MIER3: variants seen among roughly 807,000 people sequenced by gnomAD.
MIER3 encodes the protein mesoderm induction early response protein 3.
A neutral mutation model predicts 63.2 loss-of-function variants in MIER3; 9 were observed. That is an observed-to-expected ratio of 0.14 (90% CI 0.09 to 0.25). The LOEUF (loss-of-function observed/expected upper bound fraction) is 0.25, where lower values mean the gene tolerates loss of function less well. Ranked by LOEUF, MIER3 falls within the 10% of genes least tolerant of loss-of-function variation. The probability of loss-of-function intolerance (pLI) is 1.00; values close to 1 mark genes in which losing one functional copy is unlikely to be tolerated. For synonymous variants in MIER3, 205 were observed against 224.9 expected (o/e 0.91, Z 0.79); for missense variants, 512 against 666.2 (o/e 0.77, Z 2.55).
rs573772112 is a variant in MIER3, at chr5:56,934,728, AAAG to A, written c.595+697_595+699del. Among the ~76,000 whole-genome samples, 37 of 152,294 alleles carry A rather than the reference AAAG, an allele frequency of 2.4e-4. 1 individual carries two copies. In the South Asian group the frequency reaches 7.3e-3, roughly 30 times the overall value. On this transcript the variant is annotated intron_variant, in intron 7 of 12. Transcript: ENST00000381199. ...ATGACCTGGCATGGAGGAAAGGAAAAAAGAAGGACTCAGGAAGTATTGTGTTGG... is the reference window on the plus strand; with the variant it reads ...ATGACCTGGCATGGAGGAAAGGAAAAAAGGACTCAGGAAGTATTGTGTTGG...
chr5:56,936,871 T>A (rs1218273714), intron 5 of MIER3: 1 of 152,056 alleles, frequency 6.6e-6, no homozygotes, highest in African/African-American at 2.4e-5. Context: ...AGGAAAAAGA[T>A]GAATCATTAA....
chr5:56,925,785 C>T (rs1749943824), intron 10 of MIER3, among the ~76,000 whole-genome samples: 2 of 151,632 alleles, frequency 1.3e-5, no homozygotes, highest in South Asian at 4.2e-4. Context: ...CCCAGAATAG[C>T]CAACATAGTA....
Position 56,921,094 on chromosome 5 carries a change from GAATAT to G in MIER3, c.*2029_*2033del. On this transcript the variant is annotated 3_prime_UTR_variant, in exon 13 of 13. Transcript: ENST00000381199. The stretch of plus-strand genomic sequence containing the variant: ...GACCCCAGCAATGCATAGATAAACT[GAATAT>G]ATTACTGCATCAGCTACTGAGAATG... 6.6e-6 allele frequency: 1 copy of G among 152,514 alleles called. No individual in the cohort carries two copies. The highest frequency in any genetic ancestry group is 6.5e-5 in the Admixed American group (1 of 15,280). The allele number at this position is 152,514 out of a possible 1,614,324, so 9.4% of individuals were successfully genotyped here. A position where few individuals can be genotyped will look rare whatever the true frequency, so the allele number is the denominator to read the frequency against.
At position 56,935,412 on chromosome 5, in the gene MIER3, C is replaced by T; in HGVS notation, c.595+16G>A. 66 of 1,561,292 alleles carry T rather than the reference C, an allele frequency of 4.2e-5. No individual in the cohort carries two copies. The highest frequency in any genetic ancestry group is 5.6e-5 in the Non-Finnish European group (65 of 1,157,762). ...CTTATCTACCAAACATTATCAAAAT[C>T]AAAAGCTTTCCTTACCTTTCTCATT... On this transcript the variant is annotated intron_variant, in intron 7 of 12. Coordinates refer to ENST00000381199, the MANE Select transcript of MIER3 (RefSeq NM_001297599.2).
chr5:56,937,521 G>A (rs1750489189), intron 5 of MIER3, 57 bp downstream of exon 5: 1 of 1,474,774 alleles, frequency 6.8e-7, no homozygotes, highest in East Asian at 2.5e-5. Flanking sequence ...ACAATAAAAT[G>A]TACTAAAGCT....
chr5:56,935,875 G>A (rs1244303073), intron 5 of MIER3, 124 bp from the exon 6 acceptor site: 2 of 685,160 alleles, frequency 2.9e-6, no homozygotes, highest in Non-Finnish European at 5.0e-6. Context: ...TAAACCACCT[G>A]CATGTTTCTC....
intron 9 of MIER3, 96 bp downstream of exon 9, chr5:56,930,568 T>C: frequency 1.0e-6 from 1 of 976,398 alleles, no homozygotes; most frequent in South Asian, 1.3e-5. Flanking sequence ...ACAAAAGTGT[T>C]ACAGGATTGC....
intron 4 of MIER3, 145 bp downstream of exon 4, chr5:56,938,734 CCAAA>C (rs753425540): frequency 1.2e-5 from 12 of 972,470 alleles, no homozygotes; most frequent in South Asian, 5.2e-5. Flanking sequence ...GTGATCAAAG[CCAAA>C]CAAAGTTTAA....
At chr5:56,943,049 TG>T (rs1041731944) in intron 3 of MIER3, among the ~76,000 whole-genome samples, 3 of 151,418 alleles carry the variant, frequency 2.0e-5, no homozygotes, top group African/African-American at 7.3e-5. Flanking sequence ...GGAAGCTGAG[TG>T]GGGGAAAACT....
chr5:56,926,478 A>G (rs79680734), intron 10 of MIER3, among the ~76,000 whole-genome samples: 7,161 of 152,212 alleles, frequency 0.047, 245 homozygotes, highest in Non-Finnish European at 0.066. Flanking sequence ...GCAAATAAGC[A>G]TAAGAAAAGA....
At chr5:56,939,088 T>A in intron 3 of MIER3, 71 bp from the exon 4 acceptor site, 1 of 1,481,194 alleles carries the variant, frequency 6.8e-7, no homozygotes, top group Non-Finnish European at 9.1e-7. Context: ...AACTGTACTG[T>A]CCTTAGGTTC....
intron 9 of MIER3, 75 bp downstream of exon 9, chr5:56,930,589 A>G (rs1180156442): frequency 1.6e-6 from 2 of 1,212,620 alleles, no homozygotes; most frequent in Non-Finnish European, 2.4e-6. Flanking sequence ...TCTGTCCCTT[A>G]GGATACTTTG....
intron 2 of MIER3, 41 bp from the exon 3 acceptor site, chr5:56,947,112 G>A (rs763199849): frequency 2.6e-6 from 4 of 1,558,156 alleles, no homozygotes; most frequent in Admixed American, 2.2e-5. Flanking sequence ...CATTTACAAG[G>A]CTATTAACAA....
At chr5:56,936,692 A>T (rs1257509792) in intron 5 of MIER3, among the ~76,000 whole-genome samples, 1 of 151,760 alleles carries the variant, frequency 6.6e-6, no homozygotes, top group Non-Finnish European at 1.5e-5. Context: ...TTTATTTGAA[A>T]ATTTTTTTGT....
In MIER3 at chr5:56,923,762, G is replaced by T; in HGVS notation, c.1124C>A (p.Ser375Tyr). Reference protein sequence around the residue: ...GGTVNASALTSNRPEPIPDQQ... With the variant: ...GGTVNASALTYNRPEPIPDQQ... The stretch of plus-strand genomic sequence containing the variant: ...ATCAGGAATAGGCTCAGGCCGGTTA[G>T]AAGTTAAGGCTGAAGCATTTACCGT... Residue 375 changes from serine to tyrosine, a missense_variant, in exon 12 of 13, where the codon TCT (serine) becomes TAT (tyrosine). Ser to Tyr is a moderately radical substitution (Grantham distance 144). This residue lies in a region of MIER3 where 218 missense variants were observed against 251.2 expected (regional missense o/e 0.87). Coordinates refer to ENST00000381199, the MANE Select transcript of MIER3 (RefSeq NM_001297599.2). 1 of 1,614,204 alleles carries T rather than the reference G, an allele frequency of 6.2e-7. No individual in the cohort carries two copies.
chr5:56,930,631 C>T, intron 9 of MIER3, 33 bp downstream of exon 9: 1 of 1,571,124 alleles, frequency 6.4e-7, no homozygotes, highest in Non-Finnish European at 8.8e-7. Context: ...CCATCCCTGT[C>T]ATGTCCCTCT....
intron 5 of MIER3, among the ~76,000 whole-genome samples, chr5:56,936,039 C>T (rs1221905000): frequency 1.3e-5 from 2 of 151,820 alleles, no homozygotes; most frequent in African/African-American, 2.4e-5. Context: ...CCAGCCTGGC[C>T]GACAGGCTCT....
At chr5:56,944,234 G>A (rs578220800) in intron 3 of MIER3, among the ~76,000 whole-genome samples, 2 of 152,254 alleles carry the variant, frequency 1.3e-5, no homozygotes, top group East Asian at 1.9e-4. Context: ...CACTTTGGGA[G>A]GCCGAGGAGG....
chr5:56,952,099 C>A lies in MIER3; in HGVS notation c.4G>T (p.Ala2Ser). The A allele has an allele frequency of 7.6e-7, 1 of 1,310,462 alleles. No homozygotes were observed. Among genetic ancestry groups the A allele is most frequent in the Middle Eastern group, 2.2e-4 (1 of 4,516 alleles). The allele number at this position is 1,310,462 out of a possible 1,614,324, so 81.2% of individuals were successfully genotyped here. M[A>S]EASFGSSSPV... is the part of the protein sequence containing the mutation. ...TGCCCGGTTTCCCTGCTCACCTCCGCCATATTGGTACCTTTAGGGCGAACG... is the reference window on the plus strand; with the variant it reads ...TGCCCGGTTTCCCTGCTCACCTCCGACATATTGGTACCTTTAGGGCGAACG... Residue 2 changes from alanine (A) to serine (S), a missense_variant, in exon 1 of 13, where the codon GCG becomes TCG. Ala to Ser is a moderately conservative substitution (Grantham distance 99). Around this residue, in one of 5 missense-constraint regions of MIER3, gnomAD observed 98 missense variants for 107.4 expected, o/e 0.91. Transcript: ENST00000381199.
Sources: gnomAD v4.1 joint callset for allele counts (sites outside exome capture counted in the v4.1 genomes callset) on GRCh38, gnomAD v4.1.1 for gene constraint, gnomAD v4.1.1 regional missense constraint, MANE v1.5 for transcripts, NCBI Gene and HGNC (gene_info 2026-07-23, HGNC 2026-07-21) for gene names.